The following ZFHX3 variants were observed in gnomAD, a reference collection of about 807,000 sequenced individuals.
ZFHX3 encodes the protein zinc finger homeobox 3.
A neutral mutation model predicts 279.1 loss-of-function variants in ZFHX3; 42 were observed. The ratio of observed to expected loss-of-function variants is 0.15; its 90% CI spans 0.12 to 0.19. The LOEUF is 0.19. ZFHX3 is among the 10% of genes least tolerant of loss of function. The probability of loss-of-function intolerance (pLI) is 1.00; values close to 1 mark genes in which losing one functional copy is unlikely to be tolerated. For missense variants in ZFHX3, 4,981 were observed against 4,754.0 expected, an observed-to-expected ratio of 1.05 and a Z score of -1.40; for synonymous variants, 2,293 against 1,957.8, an observed-to-expected ratio of 1.17 and a Z score of -4.52.
At chr16:73,276,682 A>C (rs2014311049) in intron 4 of ZFHX3, among the ~76,000 whole-genome samples, 1 of 152,230 alleles carries the variant, frequency 6.6e-6, no homozygotes, top group African/African-American at 2.4e-5. Flanking sequence ...TTGAGATCTT[A>C]AATGTGAAAT....
chr16:73,477,969 C>CT (rs1234084842), intron 2 of ZFHX3, among the ~76,000 whole-genome samples: 6 of 152,072 alleles, frequency 3.9e-5, no homozygotes, highest in African/African-American at 1.2e-4. Flanking sequence ...TTGTTGTCTT[C>CT]TTTTTTAAAA....
chr16:73,615,237 A>C (rs560623177), intron 2 of ZFHX3, among the ~76,000 whole-genome samples: 156 of 152,122 alleles, frequency 1.0e-3, no homozygotes, highest in African/African-American at 3.5e-3. Context: ...CAGGCAAATG[A>C]ACCATGCATG....
rs368597124 is a variant in ZFHX3 at position 73,334,810 on chromosome 16, C to CTTTTT, written c.-1290-16479_-1290-16475dup. 7.1e-3 allele frequency among the ~76,000 whole-genome samples: 412 copies of CTTTTT among 57,900 alleles called. 73 individuals carry two copies. The highest frequency in any genetic ancestry group is 8.9e-3 in the Non-Finnish European group (261 of 29,182). 38.0% of individuals were successfully genotyped at this position (57,900 alleles called of 152,430 possible). A position where few individuals can be genotyped will look rare whatever the true frequency, so the allele number is the denominator to read the frequency against. On this transcript the variant is annotated intron_variant, in intron 3 of 17. Coordinates refer to the ZFHX3 transcript ENST00000641206. ...TCTTTTCCTCCTTTTCTTTCTCATTCTTTTTTTTTTTTTTTTTTTTTTTTT... is the reference window on the plus strand; with the variant it reads ...TCTTTTCCTCCTTTTCTTTCTCATTCTTTTTTTTTTTTTTTTTTTTTTTTTTTTTT...
At chr16:73,738,369 C>A (rs527760097) in intron 1 of ZFHX3, among the ~76,000 whole-genome samples, 1 of 152,336 alleles carries the variant, frequency 6.6e-6, no homozygotes, top group African/African-American at 2.4e-5. Context: ...AGCAAGATCA[C>A]TGCGACTAAA....
In ZFHX3 at chr16:73,509,421, C is replaced by T. The variant is rs568411877; in HGVS notation, c.-1546-53163G>A. ...TCCTGGCCTTTTTGTATAAAAGTCA[C>T]ACTGCACAGTTCTGCATGATGTGGG... is the stretch of plus-strand genomic sequence containing the variant. On this transcript the variant is annotated intron_variant, in intron 2 of 17. Coordinates refer to the ZFHX3 transcript ENST00000641206. Among the ~76,000 whole-genome samples, 376 of 151,976 alleles carry T rather than the reference C, an allele frequency of 2.5e-3. 1 individual carries two copies. The highest frequency in any genetic ancestry group is 3.8e-3 in the Non-Finnish European group (258 of 67,952).
At chr16:73,244,168 G>C (rs2013211481) in intron 5 of ZFHX3, among the ~76,000 whole-genome samples, 1 of 152,204 alleles carries the variant, frequency 6.6e-6, no homozygotes, top group Non-Finnish European at 1.5e-5. Context: ...GGCAGCACTG[G>C]TCCATCGGAG....
intron 5 of ZFHX3, among the ~76,000 whole-genome samples, chr16:73,251,650 G>C (rs1023190076): frequency 1.3e-5 from 2 of 151,730 alleles, no homozygotes; most frequent in Admixed American, 1.3e-4. Context: ...GATTAGGTTA[G>C]GGACAAGAGT....
At chr16:73,441,778 C>G (rs918623446) in intron 3 of ZFHX3, among the ~76,000 whole-genome samples, 2 of 152,148 alleles carry the variant, frequency 1.3e-5, no homozygotes, top group African/African-American at 4.8e-5. Context: ...GTTACTTACC[C>G]TCTCTGAGTC....
intron 4 of ZFHX3, among the ~76,000 whole-genome samples, chr16:73,305,113 A>T (rs2015151440): frequency 6.6e-6 from 1 of 152,180 alleles, no homozygotes; most frequent in Non-Finnish European, 1.5e-5. Context: ...ATGGCCCAAG[A>T]TCGGAGAGAA....
intron 4 of ZFHX3, among the ~76,000 whole-genome samples, chr16:73,288,380 A>C (rs2014682992): frequency 6.6e-6 from 1 of 152,166 alleles, no homozygotes; most frequent in Non-Finnish European, 1.5e-5. Context: ...AAAAGGAAAA[A>C]GGAAGGCCAG....
At chr16:73,244,895 C>T (rs1407659662) in intron 5 of ZFHX3, among the ~76,000 whole-genome samples, 1 of 152,176 alleles carries the variant, frequency 6.6e-6, no homozygotes, top group Non-Finnish European at 1.5e-5. Flanking sequence ...CATGTGACAT[C>T]CCCTTTCCCA....
rs541871139 is a variant in ZFHX3, at chr16:72,944,306, T to C, written c.3216+6163A>G. ...TCTCAAAAAACAAAATAAAGCAAAATTGAAACCACAGCATGTGTCTATAAA... is the reference window on the plus strand; with the variant it reads ...TCTCAAAAAACAAAATAAAGCAAAACTGAAACCACAGCATGTGTCTATAAA... On this transcript the variant is annotated intron_variant, in intron 3 of 9. Coordinates refer to ENST00000268489, the MANE Select transcript of ZFHX3 (RefSeq NM_006885.4). Among the ~76,000 whole-genome samples the C allele has an allele frequency of 2.4e-4, 36 of 152,124 alleles. No individual in the cohort carries two copies. The South Asian group carries it at 6.4e-3, about 27-fold the overall frequency.
At chr16:72,960,428 A>C (rs1346080948) in intron 1 of ZFHX3, among the ~76,000 whole-genome samples, 1 of 152,162 alleles carries the variant, frequency 6.6e-6, no homozygotes, top group African/African-American at 2.4e-5. Context: ...TGGGGAAAGA[A>C]GGCCAGGAAC....
At chr16:73,240,604 A>T (rs1462631517) in intron 5 of ZFHX3, among the ~76,000 whole-genome samples, 1 of 152,168 alleles carries the variant, frequency 6.6e-6, no homozygotes, top group East Asian at 1.9e-4. Flanking sequence ...ACTTGTTTAT[A>T]GTATGAGAGA....
chr16:73,332,740 C>A (rs150352060), intron 3 of ZFHX3, among the ~76,000 whole-genome samples: 1 of 152,152 alleles, frequency 6.6e-6, no homozygotes, highest in Non-Finnish European at 1.5e-5. Flanking sequence ...TGAATAAATA[C>A]GTAGTGATCT....
At chr16:73,707,787 C>A (rs934530572) in intron 1 of ZFHX3, among the ~76,000 whole-genome samples, 4 of 150,766 alleles carry the variant, frequency 2.7e-5, no homozygotes, top group African/African-American at 7.3e-5. Context: ...AACTACATGC[C>A]ATTTAAAGTG....
intron 2 of ZFHX3, among the ~76,000 whole-genome samples, chr16:73,524,782 C>T (rs1213268565): frequency 1.3e-5 from 2 of 152,246 alleles, no homozygotes; most frequent in East Asian, 3.8e-4. Flanking sequence ...TTCTGCTCTT[C>T]TGCCTTCAGA....
chr16:73,031,368 G>T (rs957618050), intron 1 of ZFHX3, among the ~76,000 whole-genome samples: 6 of 152,140 alleles, frequency 3.9e-5, no homozygotes, highest in Non-Finnish European at 5.9e-5. Flanking sequence ...CGAAGTTCCC[G>T]AGTGTTTCTA....
At chr16:73,519,328 CT>C (rs1171035561) in intron 2 of ZFHX3, among the ~76,000 whole-genome samples, 1 of 152,154 alleles carries the variant, frequency 6.6e-6, no homozygotes, top group African/African-American at 2.4e-5. Flanking sequence ...TAATCAGTCT[CT>C]TTTTAGGATT....
Sources: gnomAD v4.1 joint callset for allele counts (sites outside exome capture counted in the v4.1 genomes callset) on GRCh38, gnomAD v4.1.1 for gene constraint, MANE v1.5 for transcripts, NCBI Gene and HGNC (gene_info 2026-07-23, HGNC 2026-07-21) for gene names.